The following TMTC1 variants were observed in gnomAD, a reference collection of about 807,000 sequenced individuals.
The protein encoded by TMTC1 is protein O-mannosyl-transferase TMTC1.
In TMTC1, 73 loss-of-function variants were observed where a neutral mutation model predicts 104.8. That is an observed-to-expected ratio of 0.70 (90% CI 0.58 to 0.85). TMTC1 has a LOEUF of 0.85. Among genes scored for constraint, TMTC1 ranks in the 40% least tolerant of loss-of-function variants. The pLI, the probability that TMTC1 is intolerant of heterozygous loss-of-function variation, is 0.00. For synonymous variants in TMTC1, 434 were observed against 428.7 expected (o/e 1.01, Z -0.15); for missense variants, 1,035 against 1,096.1 (o/e 0.94, Z 0.79).
intron 11 of TMTC1, among the ~76,000 whole-genome samples, chr12:29,523,715 T>C (rs1453748254): frequency 1.3e-5 from 2 of 152,138 alleles, no homozygotes; most frequent in Non-Finnish European, 2.9e-5. Context: ...TTTTAGGTTA[T>C]TTTTTTGAAA....
chr12:29,579,742 G>C (rs1592264241), intron 8 of TMTC1, among the ~76,000 whole-genome samples: 1 of 152,102 alleles, frequency 6.6e-6, no homozygotes, highest in African/African-American at 2.4e-5. Flanking sequence ...AGAGCTATGC[G>C]GTGATCCACC....
chr12:29,516,435 T>C lies in TMTC1; in HGVS notation c.2221A>G (p.Asn741Asp). ...CCGGTCTCCTCTGACACAATGTGATTGGTCATCTTTTCAGCTTCTTTTGTC... is the reference window on the plus strand; with the variant it reads ...CCGGTCTCCTCTGACACAATGTGATCGGTCATCTTTTCAGCTTCTTTTGTC... Reference protein sequence around the residue: ...GQTKEAEKMTNHIVSEETGCL... With the variant: ...GQTKEAEKMTDHIVSEETGCL... Residue 741 changes from asparagine (N) to aspartate (D), a missense_variant, in exon 15 of 18, where the codon AAT becomes GAT. Transcript: ENST00000539277. The C allele has an allele frequency of 6.2e-7, 1 of 1,614,046 alleles. No individual in the cohort carries two copies. The highest frequency in any genetic ancestry group is 8.5e-7 in the Non-Finnish European group (1 of 1,179,966).
intron 5 of TMTC1, among the ~76,000 whole-genome samples, chr12:29,734,448 C>T (rs553118631): frequency 6.6e-6 from 1 of 152,296 alleles, no homozygotes; most frequent in South Asian, 2.1e-4. Flanking sequence ...CATGTCCCAC[C>T]ATTTGGCATG....
chr12:29,528,628 G>C (rs1944413743), intron 11 of TMTC1, among the ~76,000 whole-genome samples: 1 of 152,164 alleles, frequency 6.6e-6, no homozygotes, highest in Admixed American at 6.6e-5. Context: ...ACTGTCTTGA[G>C]CCAAATCGTG....
At chr12:29,649,482 G>A (rs1243266011) in intron 5 of TMTC1, among the ~76,000 whole-genome samples, 1 of 152,238 alleles carries the variant, frequency 6.6e-6, no homozygotes, top group Admixed American at 6.5e-5. Context: ...ACTGCGGACA[G>A]GTGGGTCCAG....
At chr12:29,546,144 C>A (rs1403271398) in intron 10 of TMTC1, among the ~76,000 whole-genome samples, 1 of 152,210 alleles carries the variant, frequency 6.6e-6, no homozygotes, top group Non-Finnish European at 1.5e-5. Context: ...TGGCCCTGGG[C>A]TCTCTCCTCA....
chr12:29,679,951 T>TA (rs1940858407), intron 5 of TMTC1, among the ~76,000 whole-genome samples: 1 of 152,174 alleles, frequency 6.6e-6, no homozygotes. Flanking sequence ...TGACCATATA[T>TA]ACCTAGTACT....
chr12:29,600,609 T>G (rs752660044), intron 7 of TMTC1, among the ~76,000 whole-genome samples: 3 of 152,172 alleles, frequency 2.0e-5, no homozygotes, highest in Non-Finnish European at 4.4e-5. Context: ...CATTCAAATA[T>G]TCCTAAGATT....
chr12:29,585,284 G>T (rs1362482490), intron 7 of TMTC1, among the ~76,000 whole-genome samples: 1 of 152,146 alleles, frequency 6.6e-6, no homozygotes, highest in Non-Finnish European at 1.5e-5. Context: ...TTTTGATGGG[G>T]TTGTTTGTTT....
At chr12:29,710,753 T>A (rs1941883285) in intron 5 of TMTC1, among the ~76,000 whole-genome samples, 1 of 138,666 alleles carries the variant, frequency 7.2e-6, no homozygotes, top group Admixed American at 7.7e-5. Flanking sequence ...ATTTATAATC[T>A]ATTTATATTA....
At position 29,663,063 on chromosome 12, in the gene TMTC1, G is replaced by A. The variant is rs138519579; in HGVS notation, c.939-29727C>T. Among the ~76,000 whole-genome samples the A allele has an allele frequency of 8.7e-4, 132 of 152,260 alleles. 1 individual carries two copies. The highest frequency in any genetic ancestry group is 1.8e-3 in the African/African-American group (76 of 41,548). ...TCCCAAAATGGGCTTTAGGGGGTCC[G>A]CTGCTTCCTGAAATTTACACAAGAT... On this transcript the variant is annotated intron_variant, in intron 5 of 17. Transcript: ENST00000539277.
chr12:29,623,422 T>C (rs11050323), intron 6 of TMTC1, among the ~76,000 whole-genome samples: 7,409 of 152,266 alleles, frequency 0.049, 410 homozygotes, highest in African/African-American at 0.13. Flanking sequence ...TGGTTGATGA[T>C]GAAATAGGAA....
rs78170789 is a variant in TMTC1, at chr12:29,572,719, C to T, written c.1419-501G>A. On this transcript the variant is annotated intron_variant, in intron 8 of 17. Transcript: ENST00000539277. ...GGGGCTGCTGCACAGATAGGCCCTG[C>T]CGAGGCTAATTACAAACGCTTTTCC... is the stretch of plus-strand genomic sequence containing the variant. Among the ~76,000 whole-genome samples, 1,437 of 152,250 alleles carry T rather than the reference C, an allele frequency of 9.4e-3. 17 individuals are homozygous for T. Among genetic ancestry groups the T allele is most frequent in the South Asian group, 0.037 (176 of 4,818 alleles).
At chr12:29,682,914 G>A (rs1162564001) in intron 5 of TMTC1, among the ~76,000 whole-genome samples, 2 of 152,136 alleles carry the variant, frequency 1.3e-5, no homozygotes, top group Non-Finnish European at 2.9e-5. Context: ...CAATTTCCTG[G>A]TTATGATATT....
intron 8 of TMTC1, among the ~76,000 whole-genome samples, chr12:29,574,855 A>C (rs1053359832): frequency 2.0e-5 from 3 of 152,210 alleles, no homozygotes; most frequent in Admixed American, 6.5e-5. Context: ...GCAAACATTC[A>C]GTCCTTATCA....
At chr12:29,771,466 C>T (rs527771829) in intron 1 of TMTC1, among the ~76,000 whole-genome samples, 3 of 152,140 alleles carry the variant, frequency 2.0e-5, no homozygotes, top group African/African-American at 4.8e-5. Flanking sequence ...TCAATTTACA[C>T]AATCAGGTAT....
At chr12:29,614,354 T>A (rs1385384957) in intron 6 of TMTC1, among the ~76,000 whole-genome samples, 2 of 152,226 alleles carry the variant, frequency 1.3e-5, no homozygotes, top group Non-Finnish European at 2.9e-5. Flanking sequence ...AAACATATGG[T>A]CACAAAATCC....
intron 5 of TMTC1, among the ~76,000 whole-genome samples, chr12:29,742,513 A>G (rs1419036427): frequency 1.3e-5 from 2 of 152,154 alleles, no homozygotes; most frequent in Non-Finnish European, 2.9e-5. Context: ...AAAATTCACA[A>G]ATCTACAAAA....
At chr12:29,640,278 GT>G (rs1938772497) in intron 5 of TMTC1, among the ~76,000 whole-genome samples, 1 of 152,200 alleles carries the variant, frequency 6.6e-6, no homozygotes, top group Admixed American at 6.5e-5. Context: ...CAGAAGAGAC[GT>G]ATGGTGAGAT....
Sources: gnomAD v4.1 joint callset for allele counts (sites outside exome capture counted in the v4.1 genomes callset) on GRCh38, gnomAD v4.1.1 for gene constraint, MANE v1.5 for transcripts, NCBI Gene and HGNC (gene_info 2026-07-23, HGNC 2026-07-21) for gene names.